PPARGC1A: variants seen among roughly 807,000 people sequenced by gnomAD.
The protein encoded by PPARGC1A is PPARG coactivator 1 alpha, also known as peroxisome proliferator-activated receptor gamma coactivator 1-alpha.
In PPARGC1A, 25 loss-of-function variants were observed where a neutral mutation model predicts 88.7. The ratio of observed to expected loss-of-function variants is 0.28; its 90% CI spans 0.21 to 0.39. The LOEUF is 0.39. Among genes scored for constraint, PPARGC1A ranks in the 10% least tolerant of loss-of-function variants. The probability of loss-of-function intolerance (pLI) is 1.00; values close to 1 mark genes in which losing one functional copy is unlikely to be tolerated. For synonymous variants in PPARGC1A, 363 were observed against 355.6 expected, an observed-to-expected ratio of 1.02 and a Z score of -0.24; for missense variants, 880 against 968.7, an observed-to-expected ratio of 0.91 and a Z score of 1.22.
chr4:24,461,944 T>C, the PPARGC1A span, among the ~76,000 whole-genome samples: 1 of 146,050 alleles, frequency 6.8e-6, no homozygotes, highest in African/African-American at 2.7e-5. Context: ...AGCACCGCTA[T>C]CTCCTCCCTA....
the PPARGC1A span, among the ~76,000 whole-genome samples, chr4:24,411,450 G>A: frequency 6.6e-6 from 1 of 152,218 alleles, no homozygotes; most frequent in Non-Finnish European, 1.5e-5. Context: ...CACAGGTGCA[G>A]CCTGCCCTAC....
At chr4:24,318,001 C>T in the PPARGC1A span, among the ~76,000 whole-genome samples, 7 of 152,242 alleles carry the variant, frequency 4.6e-5, no homozygotes, top group East Asian at 1.2e-3. Context: ...GAAGTTCTGT[C>T]GTGATTAAAG....
the PPARGC1A span, among the ~76,000 whole-genome samples, chr4:24,351,231 T>TA: frequency 2.0e-5 from 3 of 146,704 alleles, no homozygotes; most frequent in Admixed American, 6.8e-5. Context: ...CCCTTGTATT[T>TA]AAAAAAAAAA....
chr4:24,381,392 G>T, the PPARGC1A span, among the ~76,000 whole-genome samples: 30 of 152,148 alleles, frequency 2.0e-4, no homozygotes, highest in Non-Finnish European at 3.5e-4. Flanking sequence ...AGTAAACACA[G>T]GACCACAAAA....
At chr4:23,951,972 C>T in the PPARGC1A span, among the ~76,000 whole-genome samples, 26 of 152,190 alleles carry the variant, frequency 1.7e-4, no homozygotes, top group South Asian at 8.3e-4. Flanking sequence ...TTATAACTTG[C>T]GTTCATTTCC....
chr4:23,974,905 T>C, the PPARGC1A span, among the ~76,000 whole-genome samples: 2 of 141,906 alleles, frequency 1.4e-5, no homozygotes, highest in Non-Finnish European at 3.0e-5. Flanking sequence ...TCCGCCCACC[T>C]CGGCCTCCCA....
At chr4:23,823,725 A>G (rs1360076377) in intron 7 of PPARGC1A, among the ~76,000 whole-genome samples, 4 of 151,996 alleles carry the variant, frequency 2.6e-5, no homozygotes, top group Non-Finnish European at 5.9e-5. Flanking sequence ...CTGCACACAC[A>G]TACACTATAT....
At chr4:24,161,988 A>C in the PPARGC1A span, among the ~76,000 whole-genome samples, 2 of 150,840 alleles carry the variant, frequency 1.3e-5, no homozygotes, top group African/African-American at 4.9e-5. Flanking sequence ...ACACACACAC[A>C]CACACACACA....
chr4:24,366,653 C>T, the PPARGC1A span, among the ~76,000 whole-genome samples: 2 of 152,116 alleles, frequency 1.3e-5, no homozygotes, highest in East Asian at 3.9e-4. Flanking sequence ...CAAACAGATG[C>T]TACTCAAAAA....
chr4:23,849,024 C>T (rs1728804486), intron 2 of PPARGC1A, among the ~76,000 whole-genome samples: 1 of 152,148 alleles, frequency 6.6e-6, no homozygotes, highest in South Asian at 2.1e-4. Context: ...GGCGCCTGTA[C>T]TCCCAGCTAC....
the PPARGC1A span, among the ~76,000 whole-genome samples, chr4:24,242,199 C>T: frequency 6.6e-6 from 1 of 152,184 alleles, no homozygotes; most frequent in Admixed American, 6.5e-5. Context: ...TCTAAACCTC[C>T]ACCTGAGGCT....
At chr4:24,336,921 AAAT>A in the PPARGC1A span, among the ~76,000 whole-genome samples, 1 of 152,088 alleles carries the variant, frequency 6.6e-6, no homozygotes, top group African/African-American at 2.4e-5. Context: ...ATTTAATTTA[AAAT>A]AATAATAAAT....
chr4:24,368,174 CT>C, the PPARGC1A span, among the ~76,000 whole-genome samples: 2 of 152,170 alleles, frequency 1.3e-5, no homozygotes, highest in African/African-American at 4.8e-5. Context: ...TCTTAACCAA[CT>C]GGGTCAAATG....
At chr4:23,983,186 A>G in the PPARGC1A span, among the ~76,000 whole-genome samples, 1 of 152,140 alleles carries the variant, frequency 6.6e-6, no homozygotes, top group Non-Finnish European at 1.5e-5. Flanking sequence ...CATTGTACCT[A>G]CTTCAGATTA....
chr4:24,095,535 A>G, the PPARGC1A span, among the ~76,000 whole-genome samples: 2 of 152,068 alleles, frequency 1.3e-5, no homozygotes, highest in African/African-American at 4.8e-5. Context: ...TCACAGAGAC[A>G]GATGTAGACA....
At chr4:23,906,552 G>A (rs2148892271), upstream of PPARGC1A, among the ~76,000 whole-genome samples, 2 of 149,512 alleles carry the variant, frequency 1.3e-5, no homozygotes, top group South Asian at 4.4e-4. Context: ...GGTTGCAGTG[G>A]GCCTTGACGG....
At chr4:24,095,948 C>T in the PPARGC1A span, among the ~76,000 whole-genome samples, 200 of 152,248 alleles carry the variant, frequency 1.3e-3, 3 homozygotes, top group Admixed American at 3.0e-3. Flanking sequence ...ATCATGTTAA[C>T]CACGACTGAA....
At chr4:24,194,672 C>T in the PPARGC1A span, among the ~76,000 whole-genome samples, 1 of 138,768 alleles carries the variant, frequency 7.2e-6, no homozygotes, top group African/African-American at 2.9e-5. Context: ...ACACACACCC[C>T]CATCAAGAAG....
the PPARGC1A span, among the ~76,000 whole-genome samples, chr4:24,470,785 G>A: frequency 6.6e-6 from 1 of 151,586 alleles, no homozygotes; most frequent in South Asian, 2.1e-4. This position sits in a 1 kb window ranked among gnomAD's most constrained non-coding sequence, Gnocchi z 5.8. Flanking sequence ...CCGCGGCGGC[G>A]GGAGCCTCTC....
Sources: allele counts gnomAD v4.1 joint callset (sites outside exome capture counted in the v4.1 genomes callset), GRCh38; gene constraint gnomAD v4.1.1; non-coding constraint Gnocchi (gnomAD v3.1); transcripts MANE v1.5; gene names NCBI Gene and HGNC (gene_info 2026-07-23, HGNC 2026-07-21).